Variants in FAIM observed in about 807,000 individuals in gnomAD.
FAIM encodes the protein fas apoptotic inhibitory molecule 1.
Under a neutral mutation model 21.2 loss-of-function variants are expected in FAIM, and 14 were observed. That is an observed-to-expected ratio of 0.66 (90% CI 0.44 to 1.03). The LOEUF is 1.03. Ranked by LOEUF, FAIM falls within the 50% of genes least tolerant of loss-of-function variation. The pLI is 0.00. For synonymous variants in FAIM, 86 were observed against 80.4 expected (o/e 1.07, Z -0.37); for missense variants, 222 against 247.1 (o/e 0.90, Z 0.68).
At chr3:138,628,978 G>A in intron 4 of FAIM, 129 bp from the exon 5 acceptor site, 1 of 623,646 alleles carries the variant, frequency 1.6e-6, no homozygotes, top group Non-Finnish European at 2.7e-6. Context: ...AAAGTGTTGG[G>A]TTTTGGAATA....
chr3:138,614,668 C>T (rs567968352), intron 1 of FAIM, among the ~76,000 whole-genome samples: 19 of 152,198 alleles, frequency 1.2e-4, no homozygotes, highest in African/African-American at 2.9e-4. Flanking sequence ...CGACCAGGTG[C>T]GGTGACTCAT....
Position 138,621,030 on chromosome 3 carries a change from T to A in FAIM, c.45-377T>A, listed in dbSNP as rs78254314. On this transcript the variant is annotated intron_variant, in intron 2 of 5. Transcript: ENST00000360570. ...ACCTGAAAAAGAGAAATAAAATTAATTACCATGGTTTTTACATGGGAGCTG... is the reference window on the plus strand; with the variant it reads ...ACCTGAAAAAGAGAAATAAAATTAAATACCATGGTTTTTACATGGGAGCTG... Among the ~76,000 whole-genome samples, 531 of 152,264 alleles carry A rather than the reference T, an allele frequency of 3.5e-3. 2 individuals are homozygous for A. The highest frequency in any genetic ancestry group is 0.012 in the African/African-American group (508 of 41,562).
At chr3:138,627,884 C>T (rs984667354) in intron 4 of FAIM, among the ~76,000 whole-genome samples, 2 of 152,176 alleles carry the variant, frequency 1.3e-5, no homozygotes, top group Admixed American at 1.3e-4. Flanking sequence ...AGACTGTGCT[C>T]CTGGAGCAGA....
chr3:138,614,227 T>G (rs2042801894), intron 1 of FAIM, among the ~76,000 whole-genome samples: 2 of 151,910 alleles, frequency 1.3e-5, no homozygotes, highest in Non-Finnish European at 2.9e-5. Context: ...ATCACTTGAG[T>G]TCAGGAGTTT....
At chr3:138,621,625 G>A (rs2042886726) in intron 3 of FAIM, 86 bp downstream of exon 3, 2 of 1,279,602 alleles carry the variant, frequency 1.6e-6, no homozygotes, top group African/African-American at 3.0e-5. Flanking sequence ...TGTGAATTCA[G>A]GGCTTTTTTT....
Position 138,632,910 on chromosome 3 carries a change from T to G in FAIM, c.457-20T>G, listed in dbSNP as rs2043020979. The stretch of plus-strand genomic sequence containing the variant: ...TAAAAGTTTCTGCACCACTAATTCC[T>G]TCTTCTTTTGTTGCTCCAGGGTGAG... On this transcript the variant is annotated intron_variant, in intron 5 of 5. Transcript: ENST00000360570. The G allele has an allele frequency of 6.2e-7, 1 of 1,610,002 alleles. No homozygotes were observed. Among genetic ancestry groups the G allele is most frequent in the Admixed American group, 1.7e-5 (1 of 59,210 alleles).
At chr3:138,610,015 C>A (rs901234008) in intron 1 of FAIM, among the ~76,000 whole-genome samples, 1 of 152,088 alleles carries the variant, frequency 6.6e-6, no homozygotes, top group African/African-American at 2.4e-5. Flanking sequence ...ACTGGAGACC[C>A]CCCTCACTTC....
intron 4 of FAIM, among the ~76,000 whole-genome samples, chr3:138,624,242 C>T (rs2042916660): frequency 6.6e-6 from 1 of 152,092 alleles, no homozygotes; most frequent in African/African-American, 2.4e-5. Context: ...ATGATGAAAC[C>T]AGGCCTTTAA....
intron 1 of FAIM, among the ~76,000 whole-genome samples, chr3:138,619,389 C>T (rs905832647): frequency 2.6e-5 from 4 of 152,194 alleles, no homozygotes; most frequent in Non-Finnish European, 4.4e-5. Context: ...TCTCTTAGGT[C>T]TCTTGCAGCT....
intron 4 of FAIM, among the ~76,000 whole-genome samples, chr3:138,624,130 A>G (rs2042915852): frequency 6.6e-6 from 1 of 152,188 alleles, no homozygotes; most frequent in South Asian, 2.1e-4. Flanking sequence ...TCAACCTGCA[A>G]TAAAGTTTTA....
chr3:138,611,184 G>C (rs2042764508), intron 1 of FAIM: 11 of 719,022 alleles, frequency 1.5e-5, no homozygotes, highest in Non-Finnish European at 2.6e-5. Context: ...GTGGAAATTG[G>C]GGACAAGGAC....
At chr3:138,626,027 C>T (rs527884533) in intron 4 of FAIM, among the ~76,000 whole-genome samples, 8 of 152,256 alleles carry the variant, frequency 5.3e-5, no homozygotes, top group Non-Finnish European at 8.8e-5. Flanking sequence ...TGAAACTTCA[C>T]GCTGGAAGGA....
intron 4 of FAIM, among the ~76,000 whole-genome samples, chr3:138,627,794 C>T (rs1050622817): frequency 1.3e-5 from 2 of 152,140 alleles, no homozygotes; most frequent in African/African-American, 4.8e-5. Flanking sequence ...CTTTTTCCAT[C>T]TAGCGCACCT....
chr3:138,612,348 G>A (rs898754120), intron 1 of FAIM, among the ~76,000 whole-genome samples: 6 of 152,022 alleles, frequency 3.9e-5, no homozygotes, highest in African/African-American at 7.2e-5. Flanking sequence ...TGATCCGCCC[G>A]CCTCGGCCTC....
Position 138,619,918 on chromosome 3 carries a change from G to A in FAIM, c.44+148G>A, listed in dbSNP as rs145207138. The A allele has an allele frequency of 7.8e-4, 595 of 762,124 alleles. 2 individuals are homozygous for A. In the African/African-American group the frequency reaches 9.8e-3, roughly 13 times the overall value. 47.2% of individuals were successfully genotyped at this position (762,124 alleles called of 1,614,324 possible). On this transcript the variant is annotated intron_variant, in intron 2 of 5. Coordinates refer to ENST00000360570, the MANE Select transcript of FAIM (RefSeq NM_001033031.2). ...TTCTGCTTTTGTGTGATTTAAAGCA[G>A]GAGTAGTAAATACCTGGCGTGGAGG... is the stretch of plus-strand genomic sequence containing the variant.
At chr3:138,616,908 A>G (rs1249835756) in intron 1 of FAIM, among the ~76,000 whole-genome samples, 1 of 152,190 alleles carries the variant, frequency 6.6e-6, no homozygotes. Context: ...GAATGCTTCA[A>G]ATTTGCCAGA....
chr3:138,611,701 T>A (rs2042771132), intron 1 of FAIM, among the ~76,000 whole-genome samples: 1 of 152,158 alleles, frequency 6.6e-6, no homozygotes, highest in African/African-American at 2.4e-5. Flanking sequence ...GTGAATGGGT[T>A]TTTGCTCTAT....
intron 1 of FAIM, among the ~76,000 whole-genome samples, chr3:138,618,971 C>A (rs566780469): frequency 6.6e-6 from 1 of 152,334 alleles, no homozygotes; most frequent in Non-Finnish European, 1.5e-5. Flanking sequence ...AGCCCAGTTA[C>A]TGTTTAGTTC....
intron 2 of FAIM, among the ~76,000 whole-genome samples, chr3:138,620,397 T>G (rs1236719721): frequency 6.6e-6 from 1 of 152,214 alleles, no homozygotes; most frequent in Non-Finnish European, 1.5e-5. Context: ...TATCAAAATA[T>G]TAATTAGATA....
Sources: allele counts gnomAD v4.1 joint callset (sites outside exome capture counted in the v4.1 genomes callset), GRCh38; gene constraint gnomAD v4.1.1; transcripts MANE v1.5; gene names NCBI Gene and HGNC (gene_info 2026-07-23, HGNC 2026-07-21).